Variants in ESRRG observed in about 807,000 individuals in gnomAD.
ESRRG encodes the protein estrogen related receptor gamma, also known as estrogen-related receptor gamma.
ESRRG carries 13 observed loss-of-function variants against 44.0 expected under a neutral mutation model. That is an observed-to-expected ratio of 0.30 (90% confidence interval 0.19 to 0.47). The LOEUF (loss-of-function observed/expected upper bound fraction) is 0.47. ESRRG is among the 20% of genes least tolerant of loss of function. The pLI is 1.00. For missense variants in ESRRG, 395 were observed against 580.6 expected (o/e 0.68, Z 3.29); for synonymous variants, 215 against 214.6 (o/e 1.00, Z -0.02).
At chr1:217,131,710 T>C (rs1216407637) in intron 1 of ESRRG, among the ~76,000 whole-genome samples, 1 of 152,232 alleles carries the variant, frequency 6.6e-6, no homozygotes, top group East Asian at 1.9e-4. Flanking sequence ...GCCCTGAACA[T>C]ATGGCTAATA....
chr1:217,004,110 C>T (rs1357716422), intron 1 of ESRRG, among the ~76,000 whole-genome samples: 1 of 152,040 alleles, frequency 6.6e-6, no homozygotes, highest in Non-Finnish European at 1.5e-5. Flanking sequence ...TGTTATTAAA[C>T]AATGTTTACA....
At chr1:217,090,049 C>T (rs1426444986), upstream of ESRRG, among the ~76,000 whole-genome samples, 1 of 152,120 alleles carries the variant, frequency 6.6e-6, no homozygotes, top group Non-Finnish European at 1.5e-5. Flanking sequence ...AAAAAATTCC[C>T]GGCACTGTCA....
intron 2 of ESRRG, among the ~76,000 whole-genome samples, chr1:216,868,155 T>C (rs1256984958): frequency 6.9e-6 from 1 of 144,598 alleles, no homozygotes; most frequent in South Asian, 2.2e-4. Context: ...TGGAGCGATC[T>C]GGGCTCACTG....
At chr1:217,061,047 C>A (rs1182086877) in intron 1 of ESRRG, among the ~76,000 whole-genome samples, 3 of 151,620 alleles carry the variant, frequency 2.0e-5, no homozygotes, top group African/African-American at 7.3e-5. Context: ...CATAAGGGAT[C>A]TTATGGATTT....
rs890331390 is a variant in ESRRG, at chr1:216,615,196, T to A, written c.589+35777A>T. ...TCCTACTTCAAAGTGACTGAGGAGCTTTTTCAAAAGACTTTTGTTGACCAC... is the reference window on the plus strand; with the variant it reads ...TCCTACTTCAAAGTGACTGAGGAGCATTTTCAAAAGACTTTTGTTGACCAC... On this transcript the variant is annotated intron_variant, in intron 3 of 6. Coordinates refer to ENST00000408911, the MANE Select transcript of ESRRG (RefSeq NM_001438.4). Among the ~76,000 whole-genome samples, 4 of 152,114 alleles carry A rather than the reference T, an allele frequency of 2.6e-5. No homozygotes were observed. In the South Asian group the frequency reaches 6.2e-4, roughly 24 times the overall value.
At chr1:216,516,804 C>A (rs1430802256) in intron 6 of ESRRG, among the ~76,000 whole-genome samples, 1 of 151,976 alleles carries the variant, frequency 6.6e-6, no homozygotes, top group Non-Finnish European at 1.5e-5. Context: ...AGTCTACATT[C>A]AATCTTGGAT....
chr1:217,068,578 C>T (rs934172188), intron 1 of ESRRG, among the ~76,000 whole-genome samples: 3 of 152,118 alleles, frequency 2.0e-5, no homozygotes, highest in Non-Finnish European at 4.4e-5. Flanking sequence ...GCTAAGTTCA[C>T]TCAGCTGTAA....
At chr1:216,795,784 G>A (rs1304541101) in intron 2 of ESRRG, among the ~76,000 whole-genome samples, 2 of 152,096 alleles carry the variant, frequency 1.3e-5, no homozygotes, top group African/African-American at 4.8e-5. Flanking sequence ...TGTAAAACAA[G>A]GAGACAAAAA....
intron 2 of ESRRG, among the ~76,000 whole-genome samples, chr1:216,807,898 C>T (rs779670978): frequency 7.9e-5 from 12 of 151,992 alleles, no homozygotes; most frequent in Non-Finnish European, 1.5e-4. Flanking sequence ...TCAGACAAAC[C>T]ACAAAGCCCA....
chr1:216,640,243 G>T (rs2066116456), intron 3 of ESRRG, among the ~76,000 whole-genome samples: 1 of 152,072 alleles, frequency 6.6e-6, no homozygotes, highest in Non-Finnish European at 1.5e-5. Context: ...CAAGCCCAAG[G>T]ATGGACTCCC....
chr1:216,585,950 G>A (rs957995555), intron 3 of ESRRG, among the ~76,000 whole-genome samples: 2 of 152,130 alleles, frequency 1.3e-5, no homozygotes, highest in Non-Finnish European at 2.9e-5. Context: ...TGAGACAGGA[G>A]AATGGCGTGA....
intron 3 of ESRRG, among the ~76,000 whole-genome samples, chr1:216,640,605 T>C (rs1475680667): frequency 3.3e-5 from 5 of 151,918 alleles, no homozygotes; most frequent in African/African-American, 1.2e-4. Flanking sequence ...ATGAACAAAA[T>C]CGTGCCTCAT....
At chr1:216,856,513 A>G (rs777863107) in intron 2 of ESRRG, among the ~76,000 whole-genome samples, 2 of 152,212 alleles carry the variant, frequency 1.3e-5, no homozygotes, top group East Asian at 1.9e-4. Context: ...CAAGCAACCC[A>G]CAAAATAGCA....
At chr1:216,935,001 A>T (rs532954299) in intron 2 of ESRRG, among the ~76,000 whole-genome samples, 2 of 152,332 alleles carry the variant, frequency 1.3e-5, no homozygotes, top group Non-Finnish European at 2.9e-5. Context: ...AGAAAAACTA[A>T]AACTCTAATA....
intron 3 of ESRRG, among the ~76,000 whole-genome samples, chr1:216,575,241 A>C (rs755467454): frequency 6.6e-6 from 1 of 152,108 alleles, no homozygotes; most frequent in African/African-American, 2.4e-5. Flanking sequence ...AAGCATATTA[A>C]ATTCTTGAGG....
intron 2 of ESRRG, among the ~76,000 whole-genome samples, chr1:216,780,550 A>T (rs2093894834): frequency 6.6e-6 from 1 of 152,022 alleles, no homozygotes; most frequent in Non-Finnish European, 1.5e-5. Flanking sequence ...TCTGTCACAG[A>T]AATTCTGTGG....
chr1:216,598,519 A>G (rs752091519), intron 3 of ESRRG, among the ~76,000 whole-genome samples: 1 of 152,224 alleles, frequency 6.6e-6, no homozygotes, highest in Non-Finnish European at 1.5e-5. Flanking sequence ...TAGAAGCAAC[A>G]ATGAGCAGGG....
At chr1:216,712,229 G>C (rs1337034129) in intron 1 of ESRRG, among the ~76,000 whole-genome samples, 2 of 152,142 alleles carry the variant, frequency 1.3e-5, no homozygotes, top group Non-Finnish European at 2.9e-5. Flanking sequence ...ATTCAATGGA[G>C]TGTTTACTAT....
chr1:216,684,294 G>T (rs148160818), intron 1 of ESRRG, among the ~76,000 whole-genome samples: 67 of 152,268 alleles, frequency 4.4e-4, no homozygotes, highest in African/African-American at 1.6e-3. Flanking sequence ...GAAAAGAAAT[G>T]GTCCTGTGAT....
Sources: gnomAD v4.1 joint callset for allele counts (sites outside exome capture counted in the v4.1 genomes callset) on GRCh38, gnomAD v4.1.1 for gene constraint, MANE v1.5 for transcripts, NCBI Gene and HGNC (gene_info 2026-07-23, HGNC 2026-07-21) for gene names.